PTPRG: variants seen among roughly 807,000 people sequenced by gnomAD.
PTPRG encodes the protein protein tyrosine phosphatase receptor type G, also known as receptor-type tyrosine-protein phosphatase gamma.
In PTPRG, 102 loss-of-function variants were observed where a neutral mutation model predicts 165.3. That is an observed-to-expected ratio of 0.62 (90% CI 0.53 to 0.73). The LOEUF (loss-of-function observed/expected upper bound fraction) is 0.73. Among genes scored for constraint, PTPRG ranks in the 30% least tolerant of loss-of-function variants. The probability of loss-of-function intolerance (pLI) is 0.00; values close to 1 mark genes in which losing one functional copy is unlikely to be tolerated. For synonymous variants in PTPRG, 675 were observed against 669.5 expected, an observed-to-expected ratio of 1.01 and a Z score of -0.13; for missense variants, 1,866 against 1,861.4, an observed-to-expected ratio of 1.00 and a Z score of -0.05.
At chr3:61,809,836 G>A (rs1461217732) in intron 2 of PTPRG, among the ~76,000 whole-genome samples, 3 of 152,142 alleles carry the variant, frequency 2.0e-5, no homozygotes, top group South Asian at 2.1e-4. Context: ...CTTTTTGAGC[G>A]GGTGCACAGC....
chr3:62,064,412 T>C (rs1255221595), intron 4 of PTPRG, among the ~76,000 whole-genome samples: 1 of 152,170 alleles, frequency 6.6e-6, no homozygotes, highest in Non-Finnish European at 1.5e-5. Context: ...TAACAATATA[T>C]CTGAGAACTT....
chr3:62,182,475 A>T (rs1485117566), intron 8 of PTPRG, among the ~76,000 whole-genome samples: 2 of 152,182 alleles, frequency 1.3e-5, no homozygotes, highest in African/African-American at 2.4e-5. Flanking sequence ...TTCTATGCAG[A>T]TCTCCTAAGG....
intron 2 of PTPRG, among the ~76,000 whole-genome samples, chr3:61,836,767 C>T (rs576524559): frequency 5.9e-5 from 9 of 151,968 alleles, no homozygotes; most frequent in East Asian, 3.9e-4. Flanking sequence ...TTTTTTCAGA[C>T]GGAGTCTCTG....
rs185435326 is a variant in PTPRG at position 61,991,820 on chromosome 3, A to T, written c.370+2016A>T. Among the ~76,000 whole-genome samples, 252 of 152,312 alleles carry T rather than the reference A, an allele frequency of 1.7e-3. 2 individuals carry two copies. Among genetic ancestry groups the T allele is most frequent in the African/African-American group, 5.9e-3 (247 of 41,574 alleles). ...CAACGCTTGACAGCCTTCGGCAAAG[A>T]TAACACGTTTCATTGACAGCTTTCA... On this transcript the variant is annotated intron_variant, in intron 3 of 29. Transcript: ENST00000474889.
intron 4 of PTPRG, among the ~76,000 whole-genome samples, chr3:62,050,555 C>T (rs867677609): frequency 3.3e-5 from 5 of 152,058 alleles, no homozygotes; most frequent in Admixed American, 2.0e-4. Context: ...GAGAGATGGC[C>T]GAGTGGCCAT....
intron 12 of PTPRG, among the ~76,000 whole-genome samples, chr3:62,209,253 C>T (rs749259074): frequency 5.9e-5 from 9 of 152,102 alleles, no homozygotes; most frequent in East Asian, 3.9e-4. Context: ...CTTGGTGTCT[C>T]GTGGGTAGAG....
In PTPRG at chr3:62,138,723, A is replaced by AAAAG. The variant is rs72408913; in HGVS notation, c.682+6058_682+6059insGAAA. On this transcript the variant is annotated intron_variant, in intron 6 of 29. Coordinates refer to ENST00000474889, the MANE Select transcript of PTPRG (RefSeq NM_002841.4). ...GACAAGGGCAAAGCTCCAAAAAAAA[A>AAAAG]AAAAAAAAAAAAAGAAAGACGAAAT... Among the ~76,000 whole-genome samples, 1,352 of 151,516 alleles carry AAAAG rather than the reference A, an allele frequency of 8.9e-3. 26 individuals carry two copies. The highest frequency in any genetic ancestry group is 0.031 in the African/African-American group (1,293 of 41,176).
At chr3:61,586,705 T>C (rs1335250434) in intron 1 of PTPRG, among the ~76,000 whole-genome samples, 4 of 152,194 alleles carry the variant, frequency 2.6e-5, no homozygotes, top group African/African-American at 9.7e-5. Flanking sequence ...CAGGAGGGCA[T>C]TGACACATCC....
At chr3:62,192,874 T>C (rs1699873795) in intron 9 of PTPRG, among the ~76,000 whole-genome samples, 2 of 152,228 alleles carry the variant, frequency 1.3e-5, no homozygotes, top group Admixed American at 1.3e-4. Flanking sequence ...TCTTAATGAC[T>C]GTTATCACTT....
chr3:61,668,360 G>C (rs1702866915), intron 1 of PTPRG, among the ~76,000 whole-genome samples: 1 of 152,166 alleles, frequency 6.6e-6, no homozygotes, highest in Non-Finnish European at 1.5e-5. Context: ...TGTGAAAAAT[G>C]GGAGAGTGTG....
intron 4 of PTPRG, among the ~76,000 whole-genome samples, chr3:62,036,970 T>TGCGC (rs1163540511): frequency 2.7e-5 from 3 of 109,546 alleles, no homozygotes; most frequent in Admixed American, 2.0e-4. Context: ...GTGCTGCACG[T>TGCGC]GCGCGCGCGC....
At chr3:62,145,663 C>T (rs536996594) in intron 6 of PTPRG, among the ~76,000 whole-genome samples, 2 of 152,324 alleles carry the variant, frequency 1.3e-5, no homozygotes, top group Admixed American at 1.3e-4. Flanking sequence ...AGCAGCCTCT[C>T]TGCTTCTGCA....
rs921283175 is a variant in PTPRG at position 61,682,354 on chromosome 3, C to T, written c.86-66524C>T. On this transcript the variant is annotated intron_variant, in intron 1 of 29. Coordinates refer to ENST00000474889, the MANE Select transcript of PTPRG (RefSeq NM_002841.4). ...TGGGGTCCAAGGGGCATGATATCTT[C>T]AAGCTATTCTCAAATGGTTGAGGAA... 2.0e-5 allele frequency among the ~76,000 whole-genome samples: 3 copies of T among 152,242 alleles called. No homozygotes were observed. The East Asian group carries it at 5.8e-4, about 29-fold the overall frequency.
intron 2 of PTPRG, among the ~76,000 whole-genome samples, chr3:61,776,749 A>G (rs2034395868): frequency 6.6e-6 from 1 of 152,096 alleles, no homozygotes; most frequent in Non-Finnish European, 1.5e-5. Flanking sequence ...GCTAATTTGC[A>G]CACATTCTGT....
At chr3:62,081,267 A>G (rs1701567424) in intron 5 of PTPRG, among the ~76,000 whole-genome samples, 1 of 106,076 alleles carries the variant, frequency 9.4e-6, no homozygotes, top group Admixed American at 9.0e-5. Context: ...AAAACAAACA[A>G]ACAAACAAAC....
chr3:61,642,850 G>A (rs1559536857), intron 1 of PTPRG, among the ~76,000 whole-genome samples: 1 of 152,176 alleles, frequency 6.6e-6, no homozygotes, highest in Non-Finnish European at 1.5e-5. Flanking sequence ...TGAATTGATG[G>A]ATCTGGGCAT....
chr3:61,765,289 A>G (rs1461741068), intron 2 of PTPRG, among the ~76,000 whole-genome samples: 1 of 152,224 alleles, frequency 6.6e-6, no homozygotes, highest in Non-Finnish European at 1.5e-5. Context: ...AATGAATCAC[A>G]CTTCTGGTCG....
At position 61,941,727 on chromosome 3, in the gene PTPRG, C is replaced by CT. The variant is rs556887759; in HGVS notation, c.191-47891dup. On this transcript the variant is annotated intron_variant, in intron 2 of 29. Coordinates refer to ENST00000474889, the MANE Select transcript of PTPRG (RefSeq NM_002841.4). ...ATCAATAGTCTCCCTCCAACTTCCC[C>CT]TTTTTTTGGTCTTTAAAAACAGTTT... 3.3e-5 allele frequency among the ~76,000 whole-genome samples: 5 copies of CT among 152,258 alleles called. No individual in the cohort carries two copies. The South Asian group carries it at 1.0e-3, about 32-fold the overall frequency.
At chr3:61,729,578 G>A (rs1270091797) in intron 1 of PTPRG, among the ~76,000 whole-genome samples, 11 of 152,214 alleles carry the variant, frequency 7.2e-5, no homozygotes, top group Admixed American at 4.6e-4. Context: ...TACATGGCCC[G>A]TTAGTGACAG....
Sources: allele counts gnomAD v4.1 joint callset (sites outside exome capture counted in the v4.1 genomes callset), GRCh38; gene constraint gnomAD v4.1.1; transcripts MANE v1.5; gene names NCBI Gene and HGNC (gene_info 2026-07-23, HGNC 2026-07-21).